Variants in POLQ observed in about 807,000 individuals in gnomAD.
The protein encoded by POLQ is epididymis secretory sperm binding protein.
In POLQ, 233 loss-of-function variants were observed where a neutral mutation model predicts 259.2. That is an observed-to-expected ratio of 0.90 (90% CI 0.81 to 1.00). POLQ has a LOEUF of 1.00. Among genes scored for constraint, POLQ ranks in the 50% least tolerant of loss-of-function variants. POLQ has a pLI of 0.00. For synonymous variants in POLQ, 1,025 were observed against 1,048.8 expected (o/e 0.98, Z 0.44); for missense variants, 2,871 against 3,051.6 (o/e 0.94, Z 1.39).
chr3:121,537,142 A>T lies in POLQ; in HGVS notation c.698T>A (p.Leu233Ter), dbSNP rs768607109. ...AGTAATATAGCAAATCTTGGTCAGC[A>T]AAAGTTCCAGCAGATACCCTCGGTG... Reference protein sequence around the residue: ...DSHRGYLLELLLTKICYITRK... With the variant: ...DSHRGYLLEL The change falls in exon 5 of 30, where the codon TTG (leucine) becomes TAG (stop). Residue 233 changes from leucine (L) to a stop codon, truncating the protein, a stop_gained. Coordinates refer to ENST00000264233, the MANE Select transcript of POLQ (RefSeq NM_199420.4). LOFTEE classifies it high-confidence loss of function. 6.2e-7 allele frequency: 1 copy of T among 1,605,022 alleles called. No homozygotes were observed. The highest frequency in any genetic ancestry group is 1.7e-5 in the Admixed American group (1 of 59,974).
intron 4 of POLQ, among the ~76,000 whole-genome samples, chr3:121,538,692 A>C (rs900196954): frequency 1.3e-5 from 2 of 152,130 alleles, no homozygotes; most frequent in African/African-American, 4.8e-5. Context: ...AAATATTTAA[A>C]GTCCAATGGG....
At chr3:121,534,886 G>A (rs1274066852) in intron 5 of POLQ, among the ~76,000 whole-genome samples, 1 of 152,056 alleles carries the variant, frequency 6.6e-6, no homozygotes, top group African/African-American at 2.4e-5. Flanking sequence ...TTTTCTTATA[G>A]CTAAATTCAC....
chr3:121,491,281 A>T (rs2048066243), intron 15 of POLQ, among the ~76,000 whole-genome samples: 2 of 142,474 alleles, frequency 1.4e-5, no homozygotes, highest in South Asian at 4.9e-4. Context: ...TGAACCCAGG[A>T]CGCAGAGGTT....
At chr3:121,506,022 C>CAAAAAA (rs56305313) in intron 12 of POLQ, among the ~76,000 whole-genome samples, 1 of 88,556 alleles carries the variant, frequency 1.1e-5, no homozygotes, top group Admixed American at 1.3e-4. Context: ...AACTCCATCT[C>CAAAAAA]AAAAAAAAAA....
At chr3:121,533,432 A>G (rs894360818) in intron 5 of POLQ, among the ~76,000 whole-genome samples, 2 of 152,060 alleles carry the variant, frequency 1.3e-5, no homozygotes, top group Middle Eastern at 3.2e-3. Context: ...CACCTCCACA[A>G]TCTGTGTTTT....
rs2047887593 is a variant in POLQ, at chr3:121,472,037, A to C, written c.6671T>G (p.Leu2224Arg). ...TACAGGATAGATTCTTTCCATTCCAAGAAAAGGATTAAGACACTTTTCCCG... is the reference window on the plus strand; with the variant it reads ...TACAGGATAGATTCTTTCCATTCCACGAAAAGGATTAAGACACTTTTCCCG... ...LQREKCLNPF[L>R]GMERIYPVSQ... The change falls in exon 22 of 30, where the codon CTT becomes CGT. Residue 2224 changes from leucine to arginine, a missense_variant. Around this residue, in one of 3 missense-constraint regions of POLQ, gnomAD observed 2,080 missense variants for 2,126.0 expected, o/e 0.98. Coordinates refer to ENST00000264233, the MANE Select transcript of POLQ (RefSeq NM_199420.4). 3 of 1,579,410 alleles carry C rather than the reference A, an allele frequency of 1.9e-6. No individual in the cohort carries two copies. Among genetic ancestry groups the C allele is most frequent in the Non-Finnish European group, 2.6e-6 (3 of 1,155,688 alleles).
At chr3:121,469,956 A>C (rs989474064) in intron 22 of POLQ, among the ~76,000 whole-genome samples, 2 of 152,236 alleles carry the variant, frequency 1.3e-5, no homozygotes, top group African/African-American at 4.8e-5. Flanking sequence ...CAGAAGGCTT[A>C]TTACTGATTT....
intron 25 of POLQ, among the ~76,000 whole-genome samples, chr3:121,453,376 C>A (rs937669732): frequency 6.6e-6 from 1 of 152,316 alleles, no homozygotes; most frequent in African/African-American, 2.4e-5. Flanking sequence ...AGCAACGGAA[C>A]AAAGCTGGAT....
At chr3:121,453,610 C>A (rs1418234893) in intron 25 of POLQ, among the ~76,000 whole-genome samples, 2 of 151,984 alleles carry the variant, frequency 1.3e-5, no homozygotes, top group Admixed American at 6.6e-5. Flanking sequence ...CCTCAGGAGC[C>A]GATGCGATCA....
At chr3:121,456,733 A>C (rs1385649785) in intron 25 of POLQ, among the ~76,000 whole-genome samples, 1 of 152,174 alleles carries the variant, frequency 6.6e-6, no homozygotes, top group Non-Finnish European at 1.5e-5. Context: ...GAAATAAAAG[A>C]GGATACAAAG....
At chr3:121,486,332 C>G (rs546010213) in intron 16 of POLQ, among the ~76,000 whole-genome samples, 1 of 152,156 alleles carries the variant, frequency 6.6e-6, no homozygotes, top group African/African-American at 2.4e-5. Flanking sequence ...GGGTGGATCA[C>G]GAGGTCAGGG....
At chr3:121,435,879 ATTACT>A (rs1560082624) in intron 28 of POLQ, among the ~76,000 whole-genome samples, 1 of 152,236 alleles carries the variant, frequency 6.6e-6, no homozygotes, top group African/African-American at 2.4e-5. Flanking sequence ...TGAGTTTGTA[ATTACT>A]TTAAATGTTA....
At chr3:121,453,469 G>C (rs1019628652) in intron 25 of POLQ, among the ~76,000 whole-genome samples, 2 of 151,996 alleles carry the variant, frequency 1.3e-5, no homozygotes, top group Non-Finnish European at 2.9e-5. Flanking sequence ...TCAAGCAAAA[G>C]GCAAACAAGT....
intron 17 of POLQ, among the ~76,000 whole-genome samples, chr3:121,484,686 A>G (rs2047997317): frequency 6.6e-6 from 1 of 152,204 alleles, no homozygotes; most frequent in Non-Finnish European, 1.5e-5. Context: ...GGATCACCTG[A>G]GGTAAGGAGT....
chr3:121,462,688 T>C (rs2108785256), intron 24 of POLQ, among the ~76,000 whole-genome samples: 1 of 152,310 alleles, frequency 6.6e-6, no homozygotes, highest in South Asian at 2.1e-4. Context: ...TATTCTTGAA[T>C]GCTGAGAAAT....
At chr3:121,513,149 A>G (rs1398708146) in intron 9 of POLQ, among the ~76,000 whole-genome samples, 1 of 152,166 alleles carries the variant, frequency 6.6e-6, no homozygotes, top group Non-Finnish European at 1.5e-5. Context: ...TAAAACTGGC[A>G]CAGTGCTGGA....
chr3:121,535,715 C>CA (rs34317903), intron 5 of POLQ, among the ~76,000 whole-genome samples: 67,901 of 107,072 alleles, frequency 0.63, 20,291 homozygotes, highest in East Asian at 0.86. Flanking sequence ...AACTCCATCT[C>CA]AAAAAAAAAA....
At chr3:121,452,880 G>C (rs1002748961) in intron 25 of POLQ, among the ~76,000 whole-genome samples, 1 of 152,212 alleles carries the variant, frequency 6.6e-6, no homozygotes, top group African/African-American at 2.4e-5. Context: ...GCTTTGAAGA[G>C]AGCAGTGGTT....
intron 4 of POLQ, among the ~76,000 whole-genome samples, 195 bp from the exon 5 acceptor site, chr3:121,537,403 G>C (rs1430924894): frequency 3.3e-5 from 5 of 152,088 alleles, no homozygotes; most frequent in South Asian, 2.1e-4. Context: ...CCATCACCCA[G>C]GTACTTAGCA....
Sources: allele counts gnomAD v4.1 joint callset (sites outside exome capture counted in the v4.1 genomes callset), GRCh38; gene constraint gnomAD v4.1.1; regional missense constraint gnomAD v4.1.1; transcripts MANE v1.5; gene names NCBI Gene and HGNC (gene_info 2026-07-23, HGNC 2026-07-21).